HECTD4: variants seen among roughly 807,000 people sequenced by gnomAD.
The protein encoded by HECTD4 is HECT domain E3 ubiquitin protein ligase 4.
In HECTD4, 114 loss-of-function variants were observed where a neutral mutation model predicts 471.5. That is an observed-to-expected ratio of 0.24 (90% CI 0.21 to 0.28). HECTD4 has a LOEUF of 0.28. Among genes scored for constraint, HECTD4 ranks in the 10% least tolerant of loss-of-function variants. The probability of loss-of-function intolerance (pLI) is 1.00; values close to 1 mark genes in which losing one functional copy is unlikely to be tolerated. For synonymous variants in HECTD4, 2,012 were observed against 2,256.0 expected (o/e 0.89, Z 3.07); for missense variants, 3,866 against 5,651.5 (o/e 0.68, Z 10.13).
At chr12:112,229,598 C>T (rs2033323413) in intron 41 of HECTD4, 100 bp downstream of exon 41, 1 of 1,228,910 alleles carries the variant, frequency 8.1e-7, no homozygotes, top group East Asian at 2.4e-5. Context: ...TTTTTTTGTA[C>T]AGCTGGTTGG....
chr12:112,286,271 C>A (rs556793579), intron 7 of HECTD4, among the ~76,000 whole-genome samples: 6 of 152,310 alleles, frequency 3.9e-5, no homozygotes, highest in Non-Finnish European at 8.8e-5. Context: ...CACTCTGGTC[C>A]AAGTCCACAT....
chr12:112,243,319 G>A lies in HECTD4; in HGVS notation c.4958+34C>T, dbSNP rs2033683651. 3 of 1,587,568 alleles carry A rather than the reference G, an allele frequency of 1.9e-6. No individual in the cohort carries two copies. Among genetic ancestry groups the A allele is most frequent in the Non-Finnish European group, 2.6e-6 (3 of 1,162,366 alleles). ...CTTTTGAATGGCTCTGACCATTCTA[G>A]AAAGGACAGTATAAACTAACAGAAA... On this transcript the variant is annotated intron_variant, in intron 32 of 75. Coordinates refer to ENST00000682272, the MANE Select transcript of HECTD4 (RefSeq NM_001388303.1). This position sits in a 1 kb window ranked among gnomAD's most constrained non-coding sequence, Gnocchi z 6.6.
At chr12:112,252,646 T>G in intron 22 of HECTD4, 118 bp from the exon 23 acceptor site, 7 of 1,179,462 alleles carry the variant, frequency 5.9e-6, no homozygotes, top group Non-Finnish European at 8.3e-6. Context: ...TTCACTCCTT[T>G]TCTCATTTGC....
At chr12:112,246,736 A>G (rs2033772093) in intron 29 of HECTD4, among the ~76,000 whole-genome samples, 165 bp downstream of exon 29, 1 of 152,264 alleles carries the variant, frequency 6.6e-6, no homozygotes, top group South Asian at 2.1e-4. Flanking sequence ...TGCTTTGTAC[A>G]GAAAGTATAA....
intron 1 of HECTD4, among the ~76,000 whole-genome samples, chr12:112,356,372 A>G (rs1392695689): frequency 1.3e-5 from 2 of 152,206 alleles, no homozygotes; most frequent in East Asian, 3.8e-4. Context: ...AAAAATCCCC[A>G]GTAACTTCTC....
At chr12:112,227,989 TG>T in intron 43 of HECTD4, 99 bp downstream of exon 43, 1 of 1,050,132 alleles carries the variant, frequency 9.5e-7, no homozygotes, top group Non-Finnish European at 1.4e-6. Context: ...CTTCAAGCTG[TG>T]GATTCACTAA....
At chr12:112,222,486 G>C (rs1329745168) in intron 44 of HECTD4, among the ~76,000 whole-genome samples, 2 of 152,158 alleles carry the variant, frequency 1.3e-5, no homozygotes, top group African/African-American at 4.8e-5. Flanking sequence ...GTCCAACATG[G>C]TAAAACCCTG....
intron 2 of HECTD4, among the ~76,000 whole-genome samples, chr12:112,318,319 C>T (rs1211611619): frequency 6.6e-6 from 1 of 151,660 alleles, no homozygotes; most frequent in South Asian, 2.1e-4. Flanking sequence ...AAAAGCAACT[C>T]CAAGCATATT....
intron 1 of HECTD4, among the ~76,000 whole-genome samples, chr12:112,325,044 A>G (rs2135709042): frequency 1.3e-5 from 2 of 152,278 alleles, no homozygotes; most frequent in South Asian, 4.1e-4. Flanking sequence ...AGGGCTATTT[A>G]TTTTTATTAT....
chr12:112,284,322 A>C (rs2034704593), intron 7 of HECTD4, among the ~76,000 whole-genome samples: 1 of 152,194 alleles, frequency 6.6e-6, no homozygotes, highest in African/African-American at 2.4e-5. Flanking sequence ...TCTAGATCCA[A>C]GAACTGGGTC....
At chr12:112,233,858 A>G (rs2033442015) in intron 37 of HECTD4, among the ~76,000 whole-genome samples, 1 of 152,332 alleles carries the variant, frequency 6.6e-6, no homozygotes, top group East Asian at 1.9e-4. Context: ...TTTTTCAAAC[A>G]AAACTGTGAA....
At position 112,171,138 on chromosome 12, in the gene HECTD4, C is replaced by G; in HGVS notation, c.11911G>C (p.Ala3971Pro). The change falls in exon 68 of 76, where the codon GCC (alanine) becomes CCC (proline). Residue 3971 changes from alanine to proline, a missense_variant. By Grantham distance (27) the Ala-to-Pro change is conservative. Around this residue, in one of 16 missense-constraint regions of HECTD4, gnomAD observed 715 missense variants for 1,087.6 expected, o/e 0.66. Coordinates refer to ENST00000682272, the MANE Select transcript of HECTD4 (RefSeq NM_001388303.1). ...TGACCTTTGGCCTCCTTCAGCAGGGCGGCGATGCTGTGGGTATACATGGGT... is the reference window on the plus strand; with the variant it reads ...TGACCTTTGGCCTCCTTCAGCAGGGGGGCGATGCTGTGGGTATACATGGGT... ...QTPMYTHSIA[A>P]LLKEAKGLIF... 1 of 1,613,270 alleles carries G rather than the reference C, an allele frequency of 6.2e-7. No homozygotes were observed. Among genetic ancestry groups the G allele is most frequent in the South Asian group, 1.1e-5 (1 of 90,894 alleles).
At chr12:112,245,509 A>G (rs578000461) in intron 29 of HECTD4, among the ~76,000 whole-genome samples, 17 of 152,006 alleles carry the variant, frequency 1.1e-4, no homozygotes, top group Non-Finnish European at 2.2e-4. Context: ...TGTACCACAC[A>G]CTCTCTCCCA....
At chr12:112,175,634 A>G in intron 66 of HECTD4, 102 bp downstream of exon 66, 1 of 1,340,844 alleles carries the variant, frequency 7.5e-7, no homozygotes, top group Middle Eastern at 1.9e-4. Flanking sequence ...CTCAGAAAGC[A>G]TTATCAACAG....
At chr12:112,325,171 T>C (rs1007453722) in intron 1 of HECTD4, among the ~76,000 whole-genome samples, 2 of 152,172 alleles carry the variant, frequency 1.3e-5, no homozygotes, top group Non-Finnish European at 2.9e-5. Flanking sequence ...TGACATAATA[T>C]ACTCTGCATT....
intron 45 of HECTD4, among the ~76,000 whole-genome samples, chr12:112,218,666 G>A (rs2033001134): frequency 6.6e-6 from 1 of 151,946 alleles, no homozygotes; most frequent in African/African-American, 2.4e-5. Flanking sequence ...TATATTTGCA[G>A]TTTCCACTTT....
intron 1 of HECTD4, among the ~76,000 whole-genome samples, chr12:112,355,488 G>A (rs918422615): frequency 4.0e-5 from 6 of 149,566 alleles, no homozygotes; most frequent in East Asian, 2.1e-4. Context: ...GGCCAGGCAC[G>A]GTGGCTCACA....
At position 112,162,258 on chromosome 12, in the gene HECTD4, G is replaced by GA; in HGVS notation, c.*128dup. ...TTCCAGGAGGCCCTGGAATGTGGAC[G>GA]AAAGTTTGGAAAAGCAAAATGTTGC... is the stretch of plus-strand genomic sequence containing the variant. On this transcript the variant is annotated 3_prime_UTR_variant, in exon 76 of 76. Coordinates refer to ENST00000682272, the MANE Select transcript of HECTD4 (RefSeq NM_001388303.1). This position sits in a 1 kb window ranked among gnomAD's most constrained non-coding sequence, Gnocchi z 5.2. The GA allele has an allele frequency of 9.5e-7, 1 of 1,052,454 alleles. No individual in the cohort carries two copies. The highest frequency in any genetic ancestry group is 1.5e-5 in the South Asian group (1 of 65,958). The allele number at this position is 1,052,454 out of a possible 1,614,324, so 65.2% of individuals were successfully genotyped here.
rs775441229 is a variant in HECTD4, at chr12:112,163,588, T to G, written c.12851A>C (p.Glu4284Ala). The change falls in exon 74 of 76, where the codon GAG becomes GCG. Residue 4284 changes from glutamate to alanine, a missense_variant. By Grantham distance (107) the Glu-to-Ala change is moderately radical (BLOSUM62 -1). Transcript: ENST00000682272. The surrounding 1 kb of genome is among the most constrained non-coding windows in gnomAD (Gnocchi z 8.2). ...LLTMLSPLEM[E>A]LRTCGLPYIN... ...GTAGGGGAGGCCGCAGGTGCGCAGC[T>G]CCATCTCCAGTGGGCTGAGCATGGT... The G allele has an allele frequency of 6.6e-7, 1 of 1,518,394 alleles. No homozygotes were observed. The highest frequency in any genetic ancestry group is 2.2e-5 in the Admixed American group (1 of 44,990). The allele number at this position is 1,518,394 out of a possible 1,614,324, so 94.1% of individuals were successfully genotyped here. A position where few individuals can be genotyped will look rare whatever the true frequency, so the allele number is the denominator to read the frequency against.
Sources: allele counts gnomAD v4.1 joint callset (sites outside exome capture counted in the v4.1 genomes callset), GRCh38; gene constraint gnomAD v4.1.1; regional missense constraint gnomAD v4.1.1; non-coding constraint Gnocchi (gnomAD v3.1); transcripts MANE v1.5; gene names NCBI Gene and HGNC (gene_info 2026-07-23, HGNC 2026-07-21).